WDR64: variants seen among roughly 807,000 people sequenced by gnomAD.
The protein encoded by WDR64 is WD repeat-containing protein 64.
WDR64 carries 112 observed loss-of-function variants against 139.3 expected under a neutral mutation model. The ratio of observed to expected loss-of-function variants is 0.80; its 90% CI spans 0.69 to 0.94. WDR64 has a LOEUF of 0.94. WDR64 is among the 40% of genes least tolerant of loss of function. The pLI, the probability that WDR64 is intolerant of heterozygous loss-of-function variation, is 0.00. For synonymous variants in WDR64, 444 were observed against 437.7 expected, an observed-to-expected ratio of 1.01 and a Z score of -0.18; for missense variants, 1,206 against 1,293.1, an observed-to-expected ratio of 0.93 and a Z score of 1.03.
In WDR64 at chr1:241,731,691, T is replaced by C. The variant is rs147519806; in HGVS notation, c.1195-6672T>C. On this transcript the variant is annotated intron_variant, in intron 10 of 27. Coordinates refer to ENST00000437684, the MANE Select transcript of WDR64 (RefSeq NM_001367482.1). Reference sequence around the variant, plus strand: ...TTTTGTACTGTTTGAATCTGTGTACTAGGTACATTAGTTTGGTAATTAAAA... The same window carrying C: ...TTTTGTACTGTTTGAATCTGTGTACCAGGTACATTAGTTTGGTAATTAAAA... Among the ~76,000 whole-genome samples, 265 of 152,314 alleles carry C rather than the reference T, an allele frequency of 1.7e-3. 1 individual carries two copies. The highest frequency in any genetic ancestry group is 5.4e-3 in the African/African-American group (224 of 41,564).
At chr1:241,751,672 T>C (rs933498338) in intron 14 of WDR64, among the ~76,000 whole-genome samples, 2 of 152,162 alleles carry the variant, frequency 1.3e-5, no homozygotes, top group Non-Finnish European at 2.9e-5. Context: ...CTGTTCTTGG[T>C]TTTATTTTCT....
intron 8 of WDR64, among the ~76,000 whole-genome samples, 174 bp from the exon 9 acceptor site, chr1:241,711,628 T>G (rs1668172338): frequency 6.6e-6 from 1 of 152,150 alleles, no homozygotes; most frequent in Non-Finnish European, 1.5e-5. Flanking sequence ...CATAATGGAG[T>G]AAGTAGATTC....
intron 10 of WDR64, among the ~76,000 whole-genome samples, chr1:241,731,579 T>C (rs1249025623): frequency 6.6e-6 from 1 of 152,208 alleles, no homozygotes; most frequent in African/African-American, 2.4e-5. Context: ...GTCTGCCTCC[T>C]GAGGTGGTAT....
At chr1:241,675,730 A>G (rs1666528164) in intron 4 of WDR64, among the ~76,000 whole-genome samples, 1 of 152,222 alleles carries the variant, frequency 6.6e-6, no homozygotes, top group Non-Finnish European at 1.5e-5. Context: ...CTTTTTTTAC[A>G]TCTGTAGAAT....
At chr1:241,769,351 T>C in intron 16 of WDR64, 53 bp from the exon 17 acceptor site, 1 of 1,395,038 alleles carries the variant, frequency 7.2e-7, no homozygotes, top group Non-Finnish European at 9.9e-7. Context: ...CTTAGTACTG[T>C]AAGCTCCATA....
intron 7 of WDR64, among the ~76,000 whole-genome samples, chr1:241,684,228 G>A (rs897321819): frequency 2.0e-5 from 3 of 152,146 alleles, no homozygotes; most frequent in African/African-American, 7.2e-5. Flanking sequence ...ACAATGGGTT[G>A]ATATTTTTAA....
Position 241,800,540 on chromosome 1 carries a change from G to A in WDR64, c.3193-592G>A, listed in dbSNP as rs749299836. On this transcript the variant is annotated intron_variant, in intron 27 of 27. Transcript: ENST00000437684. Reference sequence around the variant, plus strand: ...CACATGCCTGTGGTCCCAGTTACTCGGGAGGCTAAGATGGGAGGATTGCTT... The same window carrying A: ...CACATGCCTGTGGTCCCAGTTACTCAGGAGGCTAAGATGGGAGGATTGCTT... Among the ~76,000 whole-genome samples, 3 of 152,068 alleles carry A rather than the reference G, an allele frequency of 2.0e-5. No individual in the cohort carries two copies. In the South Asian group the frequency reaches 6.2e-4, roughly 31 times the overall value.
intron 9 of WDR64, among the ~76,000 whole-genome samples, chr1:241,716,675 ATG>A (rs2148186399): frequency 6.8e-6 from 1 of 146,240 alleles, no homozygotes; most frequent in Non-Finnish European, 1.5e-5. Context: ...GATGATGATG[ATG>A]GCGATGGTGA....
chr1:241,770,240 T>A (rs1658377105), intron 17 of WDR64, among the ~76,000 whole-genome samples: 1 of 152,150 alleles, frequency 6.6e-6, no homozygotes, highest in South Asian at 2.1e-4. Flanking sequence ...CAGACTAGGA[T>A]CTGGTGAGAA....
intron 12 of WDR64, among the ~76,000 whole-genome samples, chr1:241,742,584 G>A (rs1372402386): frequency 6.6e-6 from 1 of 152,132 alleles, no homozygotes; most frequent in Non-Finnish European, 1.5e-5. Context: ...GTCTAAATAG[G>A]GGAGGCATGA....
At chr1:241,677,035 A>C (rs1426177182) in intron 4 of WDR64, among the ~76,000 whole-genome samples, 3 of 152,208 alleles carry the variant, frequency 2.0e-5, no homozygotes, top group African/African-American at 7.2e-5. Context: ...ACAACTCAAA[A>C]TATCTTGGAT....
At chr1:241,711,711 A>C in intron 8 of WDR64, 91 bp from the exon 9 acceptor site, 1 of 1,329,684 alleles carries the variant, frequency 7.5e-7, no homozygotes, top group South Asian at 1.3e-5. Flanking sequence ...CCAACTTAGA[A>C]ATGAGCCTAT....
At chr1:241,655,208 C>T (rs1287049553) in intron 1 of WDR64, among the ~76,000 whole-genome samples, 2 of 152,220 alleles carry the variant, frequency 1.3e-5, no homozygotes, top group African/African-American at 2.4e-5. Flanking sequence ...CATGATGAAA[C>T]CCTGTCTCTA....
Position 241,801,705 on chromosome 1 carries a change from A to C in WDR64, c.*490A>C, listed in dbSNP as rs1659529087. 1 of 398,656 alleles carries C rather than the reference A, an allele frequency of 2.5e-6. No homozygotes were observed. Among genetic ancestry groups the C allele is most frequent in the East Asian group, 3.6e-5 (1 of 28,056 alleles). The allele number at this position is 398,656 out of a possible 1,614,324, so 24.7% of individuals were successfully genotyped here. On this transcript the variant is annotated 3_prime_UTR_variant, in exon 28 of 28. Coordinates refer to ENST00000437684, the MANE Select transcript of WDR64 (RefSeq NM_001367482.1). The stretch of plus-strand genomic sequence containing the variant: ...CATTTAGAGAAATATTATCTGGAAG[A>C]AAATGTCCTAAGTTTCTCAAAGTCA...
intron 10 of WDR64, among the ~76,000 whole-genome samples, chr1:241,730,084 G>A (rs1574049220): frequency 6.6e-6 from 1 of 152,162 alleles, no homozygotes; most frequent in African/African-American, 2.4e-5. Context: ...AAATGTGAGT[G>A]GCCATCTAGG....
At chr1:241,686,495 C>G (rs1667009573) in intron 7 of WDR64, among the ~76,000 whole-genome samples, 1 of 152,176 alleles carries the variant, frequency 6.6e-6, no homozygotes, top group Non-Finnish European at 1.5e-5. Context: ...AACTTGGTGA[C>G]AAGAATTTTT....
rs561961345 is a variant in WDR64 at position 241,766,333 on chromosome 1, C to T, written c.2063C>T (p.Thr688Met). 3.4e-5 allele frequency: 55 copies of T among 1,613,826 alleles called. No homozygotes were observed. Among genetic ancestry groups the T allele is most frequent in the Middle Eastern group, 1.7e-4 (1 of 6,054 alleles). Residue 688 changes from threonine to methionine, a missense_variant, in exon 16 of 28, where the codon ACG (threonine) becomes ATG (methionine). Thr to Met is a moderately conservative substitution (Grantham distance 81). Transcript: ENST00000437684. ...NGVIILWNFV[T>M]STVKKVYRPE... Reference sequence around the variant, plus strand: ...GTGATCATCTTATGGAATTTTGTGACGTCTACTGTCAAAAAAGTGTAAGTT... The same window carrying T: ...GTGATCATCTTATGGAATTTTGTGATGTCTACTGTCAAAAAAGTGTAAGTT...
At chr1:241,686,176 G>A (rs1297294513) in intron 7 of WDR64, among the ~76,000 whole-genome samples, 4 of 152,150 alleles carry the variant, frequency 2.6e-5, no homozygotes, top group Non-Finnish European at 4.4e-5. Flanking sequence ...TACACCAAGA[G>A]ATCTTCAAAC....
At chr1:241,744,618 G>C (rs1248476368) in intron 13 of WDR64, 102 bp downstream of exon 13, 1 of 1,481,424 alleles carries the variant, frequency 6.8e-7, no homozygotes, top group Non-Finnish European at 9.1e-7. Context: ...CATGAAGCAG[G>C]CTGGACTATG....
Sources: gnomAD v4.1 joint callset for allele counts (sites outside exome capture counted in the v4.1 genomes callset) on GRCh38, gnomAD v4.1.1 for gene constraint, MANE v1.5 for transcripts, NCBI Gene and HGNC (gene_info 2026-07-23, HGNC 2026-07-21) for gene names.